Variants in RPS6KC1 observed in about 807,000 individuals in gnomAD.
RPS6KC1 encodes the protein inactive ribosomal protein S6 kinase delta-1.
RPS6KC1 carries 54 observed loss-of-function variants against 103.8 expected under a neutral mutation model. The ratio of observed to expected loss-of-function variants is 0.52; its 90% CI spans 0.42 to 0.65. The LOEUF (loss-of-function observed/expected upper bound fraction) is 0.65, where lower values mean the gene tolerates loss of function less well. Among genes scored for constraint, RPS6KC1 ranks in the 30% least tolerant of loss-of-function variants. The pLI, the probability that RPS6KC1 is intolerant of heterozygous loss-of-function variation, is 0.00. For synonymous variants in RPS6KC1, 439 were observed against 438.7 expected, an observed-to-expected ratio of 1.00 and a Z score of -0.01; for missense variants, 1,151 against 1,253.8, an observed-to-expected ratio of 0.92 and a Z score of 1.24.
the RPS6KC1 span, among the ~76,000 whole-genome samples, chr1:213,489,173 G>T: frequency 5.3e-5 from 8 of 152,288 alleles, no homozygotes; most frequent in Non-Finnish European, 1.2e-4. Flanking sequence ...TTCCTAATTT[G>T]GCAGGACATG....
At chr1:213,355,594 T>C in the RPS6KC1 span, among the ~76,000 whole-genome samples, 1 of 152,258 alleles carries the variant, frequency 6.6e-6, no homozygotes, top group Non-Finnish European at 1.5e-5. Flanking sequence ...ATGCACTGTA[T>C]TTTTAAAAAA....
chr1:213,256,443 G>A (rs1431271620), intron 12 of RPS6KC1, among the ~76,000 whole-genome samples: 1 of 151,772 alleles, frequency 6.6e-6, no homozygotes, highest in Non-Finnish European at 1.5e-5. Flanking sequence ...TTGCAGGGGT[G>A]TCCAATCTTG....
the RPS6KC1 span, among the ~76,000 whole-genome samples, chr1:213,836,669 A>T: frequency 6.6e-6 from 1 of 152,208 alleles, no homozygotes; most frequent in Non-Finnish European, 1.5e-5. Context: ...TACATATATT[A>T]TTGAAACAAA....
chr1:213,079,918 CTT>C (rs550713502), intron 3 of RPS6KC1, among the ~76,000 whole-genome samples: 6 of 130,136 alleles, frequency 4.6e-5, no homozygotes, highest in South Asian at 2.5e-4. Flanking sequence ...TTCTTTTTTT[CTT>C]TTTTTTTTTT....
chr1:213,749,352 T>C, the RPS6KC1 span, among the ~76,000 whole-genome samples: 1 of 152,116 alleles, frequency 6.6e-6, no homozygotes, highest in African/African-American at 2.4e-5. Flanking sequence ...GAAGGTAGCC[T>C]TGAATTAATC....
At chr1:213,426,389 G>A in the RPS6KC1 span, among the ~76,000 whole-genome samples, 2 of 152,144 alleles carry the variant, frequency 1.3e-5, no homozygotes, top group African/African-American at 4.8e-5. Context: ...GGACTGGGGT[G>A]GCACGTGGAT....
At chr1:213,291,111 G>A in the RPS6KC1 span, among the ~76,000 whole-genome samples, 2 of 152,282 alleles carry the variant, frequency 1.3e-5, no homozygotes, top group Non-Finnish European at 2.9e-5. Context: ...TAGCAACTCT[G>A]AAGCTACCAC....
the RPS6KC1 span, among the ~76,000 whole-genome samples, chr1:213,384,590 G>A: frequency 6.6e-6 from 1 of 152,114 alleles, no homozygotes; most frequent in Non-Finnish European, 1.5e-5. Flanking sequence ...AGGAGGGGAT[G>A]GTGATTTATC....
chr1:213,551,877 C>T, the RPS6KC1 span, among the ~76,000 whole-genome samples: 5 of 152,228 alleles, frequency 3.3e-5, no homozygotes, highest in Non-Finnish European at 7.3e-5. Context: ...CTCCCACTAA[C>T]TTCTGGCAAC....
the RPS6KC1 span, among the ~76,000 whole-genome samples, chr1:213,384,601 G>A: frequency 1.3e-5 from 2 of 152,190 alleles, no homozygotes; most frequent in South Asian, 2.1e-4. Context: ...GTGATTTATC[G>A]AAGGCCGACT....
the RPS6KC1 span, among the ~76,000 whole-genome samples, chr1:213,330,160 A>T: frequency 6.6e-6 from 1 of 152,046 alleles, no homozygotes; most frequent in Non-Finnish European, 1.5e-5. Flanking sequence ...TACAGGAGAA[A>T]CCTATTCCCA....
chr1:213,580,319 C>T, the RPS6KC1 span, among the ~76,000 whole-genome samples: 1 of 151,898 alleles, frequency 6.6e-6, no homozygotes, highest in Admixed American at 6.6e-5. Context: ...AGAAGTAGAG[C>T]CTGGAATTGC....
chr1:213,115,614 C>T (rs1356377173), intron 4 of RPS6KC1, among the ~76,000 whole-genome samples: 1 of 151,772 alleles, frequency 6.6e-6, no homozygotes, highest in African/African-American at 2.4e-5. Flanking sequence ...TGTGTTTGCT[C>T]TTGCTTTTCT....
At chr1:213,503,092 C>T in the RPS6KC1 span, among the ~76,000 whole-genome samples, 1 of 151,048 alleles carries the variant, frequency 6.6e-6, no homozygotes, top group Admixed American at 6.6e-5. Context: ...TTCTGTGTGT[C>T]TTTTCTTACT....
the RPS6KC1 span, among the ~76,000 whole-genome samples, chr1:213,795,726 C>T: frequency 1.6e-4 from 25 of 152,256 alleles, no homozygotes; most frequent in East Asian, 2.5e-3. Context: ...CCCCAAACGT[C>T]CACCATGAAA....
chr1:213,844,807 C>T, the RPS6KC1 span, among the ~76,000 whole-genome samples: 4 of 152,124 alleles, frequency 2.6e-5, no homozygotes, highest in African/African-American at 9.7e-5. Flanking sequence ...AAATACACCA[C>T]TAAGTATGGT....
chr1:213,106,897 T>A (rs1325390561), intron 4 of RPS6KC1, among the ~76,000 whole-genome samples: 1 of 152,190 alleles, frequency 6.6e-6, no homozygotes, highest in Non-Finnish European at 1.5e-5. Flanking sequence ...TCAGTAAATT[T>A]ATAGAGTTTT....
intron 3 of RPS6KC1, among the ~76,000 whole-genome samples, chr1:213,093,220 T>G (rs1297553051): frequency 1.3e-5 from 2 of 151,700 alleles, no homozygotes; most frequent in African/African-American, 4.8e-5. Flanking sequence ...TTTTTTTTTT[T>G]TTTTTAATGA....
At chr1:213,277,703 A>G (rs1332935351), downstream of RPS6KC1, among the ~76,000 whole-genome samples, 1 of 152,250 alleles carries the variant, frequency 6.6e-6, no homozygotes, top group Admixed American at 6.5e-5. Flanking sequence ...TGCTAAAGAC[A>G]GCTGGTACAA....
Sources: allele counts gnomAD v4.1 joint callset (sites outside exome capture counted in the v4.1 genomes callset), GRCh38; gene constraint gnomAD v4.1.1; transcripts MANE v1.5; gene names NCBI Gene and HGNC (gene_info 2026-07-23, HGNC 2026-07-21).